Variants in TANK observed in about 807,000 individuals in gnomAD.
The protein encoded by TANK is TRAF family member associated NFKB activator.
In TANK, 15 loss-of-function variants were observed where a neutral mutation model predicts 43.6. The observed-to-expected ratio is 0.34, with a 90% CI of 0.23 to 0.53. The LOEUF (loss-of-function observed/expected upper bound fraction) is 0.53. Ranked by LOEUF, TANK falls within the 20% of genes least tolerant of loss-of-function variation. The pLI is 0.94. For missense variants in TANK, 417 were observed against 498.6 expected, an observed-to-expected ratio of 0.84 and a Z score of 1.56; for synonymous variants, 162 against 178.2, an observed-to-expected ratio of 0.91 and a Z score of 0.73.
intron 2 of TANK, among the ~76,000 whole-genome samples, chr2:161,191,283 A>AT (rs141555693): frequency 0.022 from 3,317 of 152,192 alleles, 63 homozygotes; most frequent in Non-Finnish European, 0.037. Context: ...CCACATGCTT[A>AT]TTTTTTTTAA....
At chr2:161,202,932 G>T in intron 2 of TANK, 1 of 450,998 alleles carries the variant, frequency 2.2e-6, no homozygotes, top group South Asian at 1.6e-5. Context: ...GACACCAAAG[G>T]TCAACTATAT....
chr2:161,206,446 G>A (rs1686657006), intron 4 of TANK, among the ~76,000 whole-genome samples: 1 of 152,004 alleles, frequency 6.6e-6, no homozygotes, highest in South Asian at 2.1e-4. Context: ...GGGTTATTCA[G>A]TTACTGATTG....
chr2:161,213,369 A>G (rs958982440), intron 4 of TANK, among the ~76,000 whole-genome samples: 2 of 152,122 alleles, frequency 1.3e-5, no homozygotes, highest in African/African-American at 2.4e-5. Flanking sequence ...TTGGGAGGCC[A>G]AGGTGGGTGG....
intron 4 of TANK, chr2:161,219,691 C>T (rs1418993467): frequency 9.4e-6 from 4 of 427,360 alleles, no homozygotes; most frequent in Non-Finnish European, 1.9e-5. Context: ...CTTTTTCTGT[C>T]TCAGCCCTTT....
At chr2:161,200,678 G>A (rs145600047) in intron 2 of TANK, 5 of 375,068 alleles carry the variant, frequency 1.3e-5, no homozygotes, top group Non-Finnish European at 1.5e-5. Flanking sequence ...TCCCTTTGTC[G>A]TATTTACCTA....
At chr2:161,234,658 C>T (rs1334867441) in intron 7 of TANK, among the ~76,000 whole-genome samples, 1 of 152,066 alleles carries the variant, frequency 6.6e-6, no homozygotes, top group Non-Finnish European at 1.5e-5. Context: ...TATTCAGCCA[C>T]AAGAATGAGT....
intron 4 of TANK, among the ~76,000 whole-genome samples, chr2:161,209,726 A>G (rs893529407): frequency 4.6e-5 from 7 of 152,196 alleles, no homozygotes; most frequent in Admixed American, 3.3e-4. Context: ...AAGACAAAAA[A>G]TTTGGTGATA....
At chr2:161,181,256 A>C (rs1685409436) in intron 2 of TANK, among the ~76,000 whole-genome samples, 1 of 152,150 alleles carries the variant, frequency 6.6e-6, no homozygotes. Context: ...CCCCGTCTCT[A>C]CTGAAAATAC....
intron 1 of TANK, chr2:161,163,545 G>A (rs1239062492): frequency 6.6e-6 from 1 of 152,032 alleles, no homozygotes; most frequent in Non-Finnish European, 1.5e-5. Flanking sequence ...CTTCTACATG[G>A]GCAAATTTGT....
At chr2:161,188,397 A>G (rs1253933602) in intron 2 of TANK, among the ~76,000 whole-genome samples, 2 of 152,156 alleles carry the variant, frequency 1.3e-5, no homozygotes, top group Non-Finnish European at 2.9e-5. Context: ...AAAGAGTGCT[A>G]TGAACAATTG....
At chr2:161,182,976 C>T (rs1685497092) in intron 2 of TANK, among the ~76,000 whole-genome samples, 1 of 152,056 alleles carries the variant, frequency 6.6e-6, no homozygotes. Flanking sequence ...GCCTGAAGCA[C>T]CTCAGTATTG....
chr2:161,230,948 C>G, intron 6 of TANK, 23 bp from the exon 7 acceptor site: 1 of 1,579,692 alleles, frequency 6.3e-7, no homozygotes, highest in Non-Finnish European at 8.7e-7. Context: ...GGCTGTTTCT[C>G]TTTTGTGTTC....
intron 1 of TANK, among the ~76,000 whole-genome samples, chr2:161,146,683 A>T (rs917980281): frequency 3.9e-5 from 6 of 152,196 alleles, no homozygotes; most frequent in African/African-American, 1.4e-4. Context: ...AACAGAAAAG[A>T]TGGATGCCTG....
In TANK at chr2:161,199,514, C is replaced by T. The variant is rs116942924; in HGVS notation, c.100-3973C>T. Among the ~76,000 whole-genome samples, 171 of 152,062 alleles carry T rather than the reference C, an allele frequency of 1.1e-3. 4 individuals carry two copies. The East Asian group carries it at 0.029, about 26-fold the overall frequency. On this transcript the variant is annotated intron_variant, in intron 2 of 7. Transcript: ENST00000392749. ...GAACTCTATTTTAATATTTATGATA[C>T]TCATGGAAATTTAAACATCTATCTA...
chr2:161,150,773 T>G (rs999226039), intron 1 of TANK, among the ~76,000 whole-genome samples: 1 of 152,042 alleles, frequency 6.6e-6, no homozygotes, highest in African/African-American at 2.4e-5. Context: ...GTATTTTTAG[T>G]AGAGCCAAGG....
At chr2:161,183,708 T>C (rs963775531) in intron 2 of TANK, among the ~76,000 whole-genome samples, 8 of 152,288 alleles carry the variant, frequency 5.3e-5, no homozygotes, top group African/African-American at 1.9e-4. Context: ...ATGTATAATA[T>C]ATATTCTTGT....
At chr2:161,175,298 C>T (rs1341898925) in intron 1 of TANK, among the ~76,000 whole-genome samples, 1 of 152,130 alleles carries the variant, frequency 6.6e-6, no homozygotes, top group African/African-American at 2.4e-5. Flanking sequence ...AATGAACAAT[C>T]CTTGAACCAA....
intron 1 of TANK, chr2:161,137,966 CA>C (rs956166576): frequency 3.9e-3 from 2,020 of 523,666 alleles, no homozygotes; most frequent in Middle Eastern, 5.6e-3. Context: ...AACTCCGTCT[CA>C]AAAAAAAAAT....
intron 2 of TANK, among the ~76,000 whole-genome samples, chr2:161,188,569 G>A (rs927773902): frequency 6.6e-6 from 1 of 152,136 alleles, no homozygotes; most frequent in Non-Finnish European, 1.5e-5. Flanking sequence ...GGATGAGATA[G>A]CTTCACCAGT....
Sources: allele counts gnomAD v4.1 joint callset (sites outside exome capture counted in the v4.1 genomes callset), GRCh38; gene constraint gnomAD v4.1.1; transcripts MANE v1.5; gene names NCBI Gene and HGNC (gene_info 2026-07-23, HGNC 2026-07-21).